The following OGG1 variants were observed in gnomAD, a reference collection of about 807,000 sequenced individuals.
OGG1 encodes 8-oxoguanine DNA glycosylase.
In OGG1, 35 loss-of-function variants were observed where a neutral mutation model predicts 42.3. The ratio of observed to expected loss-of-function variants is 0.83; its 90% confidence interval spans 0.63 to 1.10. The LOEUF (loss-of-function observed/expected upper bound fraction) is 1.10. OGG1 is among the 50% of genes least tolerant of loss of function. The probability of loss-of-function intolerance (pLI) is 0.00; values close to 1 mark genes in which losing one functional copy is unlikely to be tolerated. For missense variants in OGG1, 484 were observed against 446.7 expected (o/e 1.08, Z -0.75); for synonymous variants, 189 against 179.0 (o/e 1.06, Z -0.44).
At chr3:9,783,528 G>C (rs933223707) in intron 3 of OGG1, 1 of 152,242 alleles carries the variant, frequency 6.6e-6, no homozygotes. Flanking sequence ...CTGTAATCCC[G>C]GCACTTTGGG....
rs370603726 is a variant in OGG1, at chr3:9,762,892, A to G, written c.1049-2917A>G. 3.3e-5 allele frequency: 53 copies of G among 1,613,364 alleles called. No homozygotes were observed. In the African/African-American group the frequency reaches 6.5e-4, roughly 20 times the overall value. On this transcript the variant is annotated intron_variant, in intron 7 of 7. Coordinates refer to the OGG1 transcript ENST00000302008. ...GCCCCACCCCTGGGTACCCTAGCTCACCACACCCCCTTGAGCCCCACCTTG... is the reference window on the plus strand; with the variant it reads ...GCCCCACCCCTGGGTACCCTAGCTCGCCACACCCCCTTGAGCCCCACCTTG...
downstream of OGG1, among the ~76,000 whole-genome samples, chr3:9,767,996 TTAA>T (rs1262005547): frequency 1.3e-5 from 2 of 152,222 alleles, no homozygotes; most frequent in South Asian, 2.1e-4. Context: ...AATTCTTTAT[TTAA>T]CAAAGTCATG....
chr3:9,761,631 C>T, downstream of OGG1: 1 of 1,614,132 alleles, frequency 6.2e-7, no homozygotes, highest in Non-Finnish European at 8.5e-7. Flanking sequence ...CCCTCCGCAC[C>T]CACGTATCCC....
chr3:9,780,736 T>C (rs1356884599), intron 2 of OGG1, among the ~76,000 whole-genome samples: 1 of 152,214 alleles, frequency 6.6e-6, no homozygotes, highest in Non-Finnish European at 1.5e-5. Flanking sequence ...TGAAAAATAT[T>C]AACTCATGTT....
chr3:9,761,744 A>G (rs1188999675), downstream of OGG1: 3 of 1,614,078 alleles, frequency 1.9e-6, no homozygotes, highest in Non-Finnish European at 2.5e-6. Context: ...GCTGTAGTAC[A>G]GCAGATTCTC....
chr3:9,764,611 GTTTTTGTTTTT>G (rs1394014231), intron 7 of OGG1, among the ~76,000 whole-genome samples: 55 of 125,150 alleles, frequency 4.4e-4, no homozygotes, highest in African/African-American at 1.7e-3. Context: ...TGCGCCTGGC[GTTTTTGTTTTT>G]TTTTTGTTTT....
intron 2 of OGG1, among the ~76,000 whole-genome samples, chr3:9,780,841 A>T (rs1468613972): frequency 1.3e-5 from 2 of 152,186 alleles, no homozygotes; most frequent in Admixed American, 6.5e-5. Flanking sequence ...AAACTGCTCT[A>T]GAAGAATAAA....
chr3:9,784,081 A>C, intron 3 of OGG1: 2 of 1,614,150 alleles, frequency 1.2e-6, no homozygotes, highest in Non-Finnish European at 1.7e-6. Context: ...CCTTCAGCTC[A>C]GCCTGCCGTT....
chr3:9,776,200 C>A (rs1319336908), intron 2 of OGG1, among the ~76,000 whole-genome samples: 2 of 152,118 alleles, frequency 1.3e-5, no homozygotes, highest in African/African-American at 4.8e-5. Context: ...TCTTACTTCT[C>A]TCTAAGCAGG....
chr3:9,765,710 G>A (rs772095447), intron 7 of OGG1: 1 of 1,599,138 alleles, frequency 6.3e-7, no homozygotes, highest in South Asian at 1.1e-5. Flanking sequence ...AGGATGGGAG[G>A]GCCAAGGCAG....
chr3:9,750,807 C>T (rs2077265779), intron 1 of OGG1, 138 bp from the exon 2 acceptor site: 5 of 1,062,884 alleles, frequency 4.7e-6, no homozygotes, highest in South Asian at 4.0e-5. Context: ...GGTGAGGTTT[C>T]GCCATGTTGC....
At chr3:9,759,676 G>A (rs148790679), downstream of OGG1, 2 of 1,614,084 alleles carry the variant, frequency 1.2e-6, no homozygotes, top group African/African-American at 2.7e-5. Flanking sequence ...TCTCACCATG[G>A]GTGCTGCAAG....
At chr3:9,752,529 C>CA (rs144337359) in intron 3 of OGG1, among the ~76,000 whole-genome samples, 8,633 of 73,498 alleles carry the variant, frequency 0.12, 947 homozygotes, top group African/African-American at 0.27. Context: ...GACTCTGTCT[C>CA]AAAAAAAAAA....
exon 4 of OGG1, chr3:9,788,213 TTTTA>T (rs2078660601): frequency 1.3e-5 from 2 of 155,180 alleles, no homozygotes; most frequent in Admixed American, 6.3e-5. Flanking sequence ...ATGGAGCATG[TTTTA>T]TTTATTTTCA....
At chr3:9,783,971 G>C in intron 3 of OGG1, 1 of 1,555,536 alleles carries the variant, frequency 6.4e-7, no homozygotes, top group Admixed American at 1.8e-5. Flanking sequence ...AAGGTGACTA[G>C]CCGTGGCCAC....
downstream of OGG1, chr3:9,761,138 A>G (rs1018525783): frequency 9.0e-6 from 3 of 335,150 alleles, no homozygotes; most frequent in African/African-American, 4.2e-5. Context: ...TTTTCTCCAC[A>G]GTATTTATTT....
downstream of OGG1, chr3:9,759,686 G>A (rs2077754613): frequency 6.2e-7 from 1 of 1,614,200 alleles, no homozygotes; most frequent in South Asian, 1.1e-5. Flanking sequence ...GGTGCTGCAA[G>A]GCCTGCTCAC....
chr3:9,764,330 T>C (rs1295931325), intron 7 of OGG1, among the ~76,000 whole-genome samples: 1 of 152,162 alleles, frequency 6.6e-6, no homozygotes, highest in Non-Finnish European at 1.5e-5. Flanking sequence ...AGTTTTACTC[T>C]TGTTGCTCAG....
At chr3:9,757,463 C>T (rs983610198), downstream of OGG1, 10 of 1,601,742 alleles carry the variant, frequency 6.2e-6, no homozygotes, top group East Asian at 2.2e-5. This position sits in a 1 kb window ranked among gnomAD's most constrained non-coding sequence, Gnocchi z 4.5. Flanking sequence ...GAGAAACTCC[C>T]GGTTCAGGGA....
Sources: allele counts gnomAD v4.1 joint callset (sites outside exome capture counted in the v4.1 genomes callset), GRCh38; gene constraint gnomAD v4.1.1; non-coding constraint Gnocchi (gnomAD v3.1); transcripts MANE v1.5; gene names NCBI Gene and HGNC (gene_info 2026-07-23, HGNC 2026-07-21).